The following PARD3 variants were observed in gnomAD, a reference collection of about 807,000 sequenced individuals.
PARD3 encodes the protein par-3 family cell polarity regulator, also known as partitioning defective 3 homolog.
A neutral mutation model predicts 155.4 loss-of-function variants in PARD3; 75 were observed. That is an observed-to-expected ratio of 0.48 (90% CI 0.40 to 0.58). The LOEUF is 0.58. Among genes scored for constraint, PARD3 ranks in the 20% least tolerant of loss-of-function variants. PARD3 has a pLI of 0.00. For missense variants in PARD3, 1,642 were observed against 1,721.7 expected, an observed-to-expected ratio of 0.95 and a Z score of 0.82; for synonymous variants, 576 against 610.5, an observed-to-expected ratio of 0.94 and a Z score of 0.83.
At chr10:34,247,973 G>A (rs1008715188) in intron 22 of PARD3, among the ~76,000 whole-genome samples, 9 of 151,942 alleles carry the variant, frequency 5.9e-5, no homozygotes, top group Non-Finnish European at 1.0e-4. Flanking sequence ...ACTGATTTAC[G>A]GGAGTCCTAC....
chr10:34,202,083 T>C (rs748022283), intron 22 of PARD3: 3 of 152,128 alleles, frequency 2.0e-5, no homozygotes, highest in East Asian at 1.9e-4. Context: ...CCTATTTTTG[T>C]TTTTTTTAGA....
intron 2 of PARD3, among the ~76,000 whole-genome samples, chr10:34,567,299 T>C (rs1408583803): frequency 6.6e-6 from 1 of 152,186 alleles, no homozygotes; most frequent in Non-Finnish European, 1.5e-5. Flanking sequence ...TAATCCACTA[T>C]ACAATTTTTT....
At position 34,646,544 on chromosome 10, in the gene PARD3, G is replaced by A. The variant is rs530467751; in HGVS notation, c.222+49774C>T. 2.0e-4 allele frequency among the ~76,000 whole-genome samples: 31 copies of A among 152,282 alleles called. 1 individual carries two copies. Among genetic ancestry groups the A allele is most frequent in the African/African-American group, 7.5e-4 (31 of 41,556 alleles). On this transcript the variant is annotated intron_variant, in intron 2 of 24. Transcript: ENST00000374788. ...AATAGTAATAAGGTAATAAAACAAA[G>A]CAGGATCATCACCACTAATAACCTG...
chr10:34,775,019 A>T (rs1173645131), intron 1 of PARD3, among the ~76,000 whole-genome samples: 2 of 152,246 alleles, frequency 1.3e-5, no homozygotes, highest in African/African-American at 2.4e-5. Flanking sequence ...CACCGCTGTG[A>T]AAACAAGTGC....
chr10:34,355,122 G>A (rs1838649617), intron 14 of PARD3, among the ~76,000 whole-genome samples: 1 of 152,046 alleles, frequency 6.6e-6, no homozygotes, highest in South Asian at 2.1e-4. Context: ...GATTACTTGA[G>A]CCCAGGAGTT....
intron 3 of PARD3, among the ~76,000 whole-genome samples, chr10:34,484,143 T>C (rs923959082): frequency 1.4e-4 from 22 of 152,134 alleles, no homozygotes; most frequent in African/African-American, 9.7e-5. Context: ...TTTTAAAATA[T>C]GAAAACCAGA....
In PARD3 at chr10:34,790,459, CT is replaced by C. The variant is rs556335140; in HGVS notation, c.120+24416del. 6.6e-5 allele frequency among the ~76,000 whole-genome samples: 10 copies of C among 152,092 alleles called. No homozygotes were observed. The South Asian group carries it at 1.2e-3, about 19-fold the overall frequency. ...GAAACTTAGCAACTCTGCTCTCCCC[CT>C]GATAAGGCTAGCAAGCCCAGACTGA... On this transcript the variant is annotated intron_variant, in intron 1 of 24. Transcript: ENST00000374788.
At chr10:34,805,738 A>G (rs1315522760) in intron 1 of PARD3, among the ~76,000 whole-genome samples, 1 of 151,950 alleles carries the variant, frequency 6.6e-6, no homozygotes, top group Non-Finnish European at 1.5e-5. Flanking sequence ...GCACTTTGGG[A>G]GGCTGAGACA....
chr10:34,444,968 C>G (rs1216178773), intron 5 of PARD3, among the ~76,000 whole-genome samples: 4 of 152,096 alleles, frequency 2.6e-5, no homozygotes, highest in African/African-American at 9.7e-5. Flanking sequence ...CACATAAAAT[C>G]TAGAACTCTG....
chr10:34,202,223 C>T (rs1038065116), intron 22 of PARD3: 1 of 152,154 alleles, frequency 6.6e-6, no homozygotes, highest in African/African-American at 2.4e-5. Flanking sequence ...CAGGCACATA[C>T]CATAATACCC....
At chr10:34,736,196 A>G (rs2094910872) in intron 1 of PARD3, among the ~76,000 whole-genome samples, 1 of 151,444 alleles carries the variant, frequency 6.6e-6, no homozygotes, top group Non-Finnish European at 1.5e-5. Flanking sequence ...CACACCCGCT[A>G]ATTTTTTGTA....
chr10:34,525,134 C>A (rs115958486), intron 2 of PARD3, among the ~76,000 whole-genome samples: 2 of 152,072 alleles, frequency 1.3e-5, no homozygotes, highest in Non-Finnish European at 2.9e-5. Flanking sequence ...TATATTTGAA[C>A]CAATGATGTT....
intron 1 of PARD3, among the ~76,000 whole-genome samples, chr10:34,760,196 G>T (rs929863293): frequency 2.6e-4 from 4 of 15,656 alleles, no homozygotes; most frequent in Non-Finnish European, 7.3e-4. Flanking sequence ...GGGGGACAGC[G>T]CAGCGGTGTA....
intron 20 of PARD3, chr10:34,312,455 T>C: frequency 1.4e-6 from 2 of 1,445,500 alleles, no homozygotes; most frequent in Admixed American, 1.7e-5. Flanking sequence ...TGTTTGTTCT[T>C]TTCTCAAATG....
chr10:34,144,274 AGAAACTTCTTAAAT>A (rs1271209449), intron 22 of PARD3, among the ~76,000 whole-genome samples: 2 of 152,206 alleles, frequency 1.3e-5, no homozygotes, highest in African/African-American at 4.8e-5. Flanking sequence ...AATCATTAAA[AGAAACTTCTTAAAT>A]GAAACTTCTG....
intron 9 of PARD3, among the ~76,000 whole-genome samples, chr10:34,379,868 G>A (rs1841645573): frequency 6.6e-6 from 1 of 152,048 alleles, no homozygotes; most frequent in Admixed American, 6.6e-5. Context: ...GTACACTGAG[G>A]CTATTCTGTT....
At chr10:34,403,286 C>A (rs1844094779) in intron 5 of PARD3, among the ~76,000 whole-genome samples, 1 of 152,074 alleles carries the variant, frequency 6.6e-6, no homozygotes, top group Non-Finnish European at 1.5e-5. Flanking sequence ...CTTTTTTCAA[C>A]ATAATTCATA....
intron 4 of PARD3, among the ~76,000 whole-genome samples, chr10:34,460,726 G>A (rs533309025): frequency 4.6e-5 from 7 of 152,078 alleles, no homozygotes; most frequent in East Asian, 1.9e-4. Context: ...CCAGCTACTC[G>A]GGAGGCTGAG....
chr10:34,642,921 C>A (rs981631598), intron 2 of PARD3, among the ~76,000 whole-genome samples: 4 of 152,168 alleles, frequency 2.6e-5, no homozygotes, highest in Admixed American at 2.6e-4. Flanking sequence ...CTTCCCATTG[C>A]CCTGATAACT....
Sources: gnomAD v4.1 joint callset for allele counts (sites outside exome capture counted in the v4.1 genomes callset) on GRCh38, gnomAD v4.1.1 for gene constraint, MANE v1.5 for transcripts, NCBI Gene and HGNC (gene_info 2026-07-23, HGNC 2026-07-21) for gene names.